Variants in FHIT observed in about 807,000 individuals in gnomAD.
The protein encoded by FHIT is bis(5'-adenosyl)-triphosphatase.
In FHIT, 19 loss-of-function variants were observed where a neutral mutation model predicts 17.9. That is an observed-to-expected ratio of 1.06 (90% CI 0.74 to 1.56). The LOEUF (loss-of-function observed/expected upper bound fraction) is 1.56. FHIT is among the 40% of genes most tolerant of loss of function. The pLI, the probability that FHIT is intolerant of heterozygous loss-of-function variation, is 0.00. For missense variants in FHIT, 248 were observed against 189.2 expected (o/e 1.31, Z -1.82); for synonymous variants, 81 against 69.7 (o/e 1.16, Z -0.81).
intron 4 of FHIT, among the ~76,000 whole-genome samples, chr3:60,564,503 T>C (rs973981841): frequency 5.3e-5 from 8 of 152,248 alleles, no homozygotes; most frequent in Middle Eastern, 3.4e-3. Context: ...GCAAAGTAAA[T>C]TGAAAACCTG....
chr3:60,376,751 G>A (rs933940916), intron 5 of FHIT, among the ~76,000 whole-genome samples: 1 of 152,066 alleles, frequency 6.6e-6, no homozygotes, highest in African/African-American at 2.4e-5. Context: ...ACCTTTTCCA[G>A]GGACAAATGC....
rs572092988 is a variant in FHIT, at chr3:59,871,209, T to C, written c.348+51137A>G. Among the ~76,000 whole-genome samples the C allele has an allele frequency of 2.6e-5, 4 of 152,286 alleles. 1 individual carries two copies. The South Asian group carries it at 8.3e-4, about 32-fold the overall frequency. ...CTATGCCTATAGTGGCAAGGAAGTG[T>C]GTACTCTGCTGAGGAAGTCACCTCT... On this transcript the variant is annotated intron_variant, in intron 8 of 9. Coordinates refer to ENST00000492590, the MANE Select transcript of FHIT (RefSeq NM_002012.4).
intron 4 of FHIT, among the ~76,000 whole-genome samples, chr3:60,651,095 G>C (rs529150040): frequency 1.8e-4 from 28 of 152,106 alleles, no homozygotes; most frequent in Non-Finnish European, 2.4e-4. Context: ...CCATGGTATA[G>C]AGTGCCAAAT....
At chr3:61,191,114 C>T (rs9831393) in intron 2 of FHIT, among the ~76,000 whole-genome samples, 61,448 of 151,674 alleles carry the variant, frequency 0.41, 13,142 homozygotes, top group East Asian at 0.8. Context: ...AGAAATTTTC[C>T]TGTTTCACCT....
At chr3:60,314,009 T>C (rs890807476) in intron 5 of FHIT, among the ~76,000 whole-genome samples, 1 of 152,268 alleles carries the variant, frequency 6.6e-6, no homozygotes, top group Non-Finnish European at 1.5e-5. Flanking sequence ...AGATTTTGTG[T>C]GCACACATTG....
chr3:60,569,670 T>C (rs1326563260), intron 4 of FHIT, among the ~76,000 whole-genome samples: 1 of 148,596 alleles, frequency 6.7e-6, no homozygotes, highest in Non-Finnish European at 1.5e-5. Flanking sequence ...TTATACTCAA[T>C]GGCAGTACTT....
intron 2 of FHIT, among the ~76,000 whole-genome samples, chr3:61,045,757 A>C (rs9853773): frequency 0.037 from 5,582 of 152,260 alleles, 262 homozygotes; most frequent in African/African-American, 0.1. Context: ...CTCCTCAGCA[A>C]ATGTAAAAGA....
At chr3:60,453,690 T>G (rs1390568744) in intron 5 of FHIT, among the ~76,000 whole-genome samples, 1 of 152,126 alleles carries the variant, frequency 6.6e-6, no homozygotes, top group African/African-American at 2.4e-5. Flanking sequence ...GCCATGAAGA[T>G]CTCTCCCTCA....
rs184994804 is a variant in FHIT at position 60,622,476 on chromosome 3, T to C, written c.-17-85497A>G. 2.4e-3 allele frequency among the ~76,000 whole-genome samples: 361 copies of C among 152,200 alleles called. 1 individual carries two copies. Among genetic ancestry groups the C allele is most frequent in the African/African-American group, 8.4e-3 (350 of 41,526 alleles). ...GAGAGAAAGGCAAAGGGGGAATATA[T>C]AGTAAACCCAGTGCTGATGTGAATT... On this transcript the variant is annotated intron_variant, in intron 4 of 9. Transcript: ENST00000492590.
chr3:60,703,149 G>A (rs1181494840), intron 4 of FHIT, among the ~76,000 whole-genome samples: 1 of 152,180 alleles, frequency 6.6e-6, no homozygotes, highest in African/African-American at 2.4e-5. Context: ...GACACGCAGA[G>A]AGAATACCAT....
rs1216025188 is a variant in FHIT at position 60,418,248 on chromosome 3, CTTT to C, written c.103+118609_103+118611del. 2.0e-5 allele frequency among the ~76,000 whole-genome samples: 3 copies of C among 151,206 alleles called. No homozygotes were observed. In the East Asian group the frequency reaches 5.8e-4, roughly 29 times the overall value. On this transcript the variant is annotated intron_variant, in intron 5 of 9. Transcript: ENST00000492590. ...AGAAATCAAAAAGGCTTCAGAGAAG[CTTT>C]TTGTCTACTCATTTTTAGTTTTAAA... is the stretch of plus-strand genomic sequence containing the variant.
intron 5 of FHIT, among the ~76,000 whole-genome samples, chr3:60,158,200 A>G (rs544191494): frequency 3.8e-4 from 58 of 152,326 alleles, no homozygotes; most frequent in African/African-American, 1.3e-3. Flanking sequence ...TGGCACTCAT[A>G]GCCAGGCCAC....
intron 4 of FHIT, among the ~76,000 whole-genome samples, chr3:60,781,539 G>A (rs1254435090): frequency 1.3e-5 from 2 of 152,122 alleles, no homozygotes; most frequent in Non-Finnish European, 2.9e-5. Context: ...CCATCAACCT[G>A]CAGTTCTTCA....
At chr3:61,080,227 T>G (rs2035093929) in intron 2 of FHIT, among the ~76,000 whole-genome samples, 1 of 152,196 alleles carries the variant, frequency 6.6e-6, no homozygotes, top group Non-Finnish European at 1.5e-5. Context: ...TCTAAGATGT[T>G]CAGGTAAAAC....
At chr3:59,846,800 C>A (rs1222676421) in intron 8 of FHIT, among the ~76,000 whole-genome samples, 2 of 152,100 alleles carry the variant, frequency 1.3e-5, no homozygotes, top group Non-Finnish European at 2.9e-5. Context: ...CTGGGAATGC[C>A]TTAATTTCTT....
chr3:59,940,872 C>T (rs1405842895), intron 7 of FHIT, among the ~76,000 whole-genome samples: 1 of 152,194 alleles, frequency 6.6e-6, no homozygotes, highest in Admixed American at 6.5e-5. Context: ...TTACCCAGAT[C>T]TCTGCTCAAG....
chr3:60,426,217 TTAAG>T (rs1203199610), intron 5 of FHIT, among the ~76,000 whole-genome samples: 7 of 152,076 alleles, frequency 4.6e-5, no homozygotes, highest in Non-Finnish European at 7.4e-5. Context: ...ATTGTAAAAA[TTAAG>T]TGAGTGAATA....
chr3:60,566,842 G>A (rs2037153717), intron 4 of FHIT, among the ~76,000 whole-genome samples: 1 of 148,886 alleles, frequency 6.7e-6, no homozygotes, highest in African/African-American at 2.5e-5. Context: ...CAAATCATGA[G>A]TGAACTCCCA....
At chr3:60,789,422 G>T (rs1700703293) in intron 4 of FHIT, among the ~76,000 whole-genome samples, 1 of 152,150 alleles carries the variant, frequency 6.6e-6, no homozygotes, top group Non-Finnish European at 1.5e-5. Context: ...GGAGGCTGAG[G>T]CAGGAGGATC....
Sources: allele counts gnomAD v4.1 joint callset (sites outside exome capture counted in the v4.1 genomes callset), GRCh38; gene constraint gnomAD v4.1.1; transcripts MANE v1.5; gene names NCBI Gene and HGNC (gene_info 2026-07-23, HGNC 2026-07-21).